Variants in ZNF469 observed in about 807,000 individuals in gnomAD.
ZNF469 encodes the protein zinc finger protein 469.
ZNF469 carries 1 observed loss-of-function variant against 1.0 expected under a neutral mutation model. That is an observed-to-expected ratio of 1.00 (90% CI 0.35 to 4.73). ZNF469 has a LOEUF of 4.73. ZNF469 is among the 30% of genes most tolerant of loss of function. The pLI is 0.16. For missense variants in ZNF469, 6,100 were observed against 5,356.3 expected (o/e 1.14, Z -4.33); for synonymous variants, 2,703 against 2,363.4 (o/e 1.14, Z -4.17).
chr16:88,380,442 G>T (rs1482908428), upstream of ZNF469, among the ~76,000 whole-genome samples: 1 of 80,656 alleles, frequency 1.2e-5, no homozygotes, highest in South Asian at 4.6e-4. Context: ...CACATACACA[G>T]TCACACACAG....
the ZNF469 span, among the ~76,000 whole-genome samples, chr16:88,104,122 G>C: frequency 6.6e-6 from 1 of 151,820 alleles, no homozygotes; most frequent in Non-Finnish European, 1.5e-5. Context: ...CTCTTTTCAT[G>C]GCTGAAAAAT....
intron 1 of ZNF469, among the ~76,000 whole-genome samples, chr16:88,389,343 C>T (rs1217431511): frequency 6.6e-6 from 1 of 152,234 alleles, no homozygotes; most frequent in Non-Finnish European, 1.5e-5. Context: ...GCGCTTCCTT[C>T]GTCTTTGCGG....
chr16:88,225,592 T>TG, the ZNF469 span, among the ~76,000 whole-genome samples: 45,932 of 151,888 alleles, frequency 0.3, 7,409 homozygotes, highest in Non-Finnish European at 0.34. Context: ...CCTGTGTCTG[T>TG]GGCCCCCAAA....
upstream of ZNF469, among the ~76,000 whole-genome samples, chr16:88,379,439 C>T (rs2092515848): frequency 6.6e-6 from 1 of 152,040 alleles, no homozygotes; most frequent in Non-Finnish European, 1.5e-5. Flanking sequence ...GAGGGGTGGA[C>T]GTGGCCCTCC....
At chr16:88,199,580 A>T in the ZNF469 span, among the ~76,000 whole-genome samples, 4 of 152,174 alleles carry the variant, frequency 2.6e-5, no homozygotes, top group Non-Finnish European at 5.9e-5. Flanking sequence ...TTTGGTGAAC[A>T]TCCCATCTCC....
the ZNF469 span, among the ~76,000 whole-genome samples, chr16:88,135,694 G>A: frequency 1.4e-5 from 2 of 147,960 alleles, no homozygotes; most frequent in African/African-American, 2.4e-5. Flanking sequence ...TGCTGGGACC[G>A]GTGATCCACA....
At chr16:88,268,998 G>A in the ZNF469 span, among the ~76,000 whole-genome samples, 7 of 152,202 alleles carry the variant, frequency 4.6e-5, no homozygotes, top group Admixed American at 3.9e-4. Context: ...GGGCTGCCGG[G>A]AGGAGAGATG....
the ZNF469 span, among the ~76,000 whole-genome samples, chr16:88,321,507 C>A: frequency 6.6e-6 from 1 of 152,142 alleles, no homozygotes; most frequent in Non-Finnish European, 1.5e-5. Context: ...CATGTCAGGC[C>A]TCACCTGATT....
In ZNF469 at chr16:88,428,423, T is replaced by C. The variant is rs1451943963; in HGVS notation, c.953T>C (p.Val318Ala). 3 of 1,548,146 alleles carry C rather than the reference T, an allele frequency of 1.9e-6. No homozygotes were observed. Among genetic ancestry groups the C allele is most frequent in the Admixed American group, 3.9e-5 (2 of 50,992 alleles). ...CAGGGAGCGTGGCCGGAGGAGGCCG[T>C]GGGCACGGGCCCTGCCTACCCGCTG... is the stretch of plus-strand genomic sequence containing the variant. Reference protein sequence around the residue: ...QPQGAWPEEAVGTGPAYPLPT... With the variant: ...QPQGAWPEEAAGTGPAYPLPT... Residue 318 changes from valine to alanine, a missense_variant, in exon 3 of 3, where the codon GTG becomes GCG. Val to Ala is a moderately conservative substitution (Grantham distance 64, BLOSUM62 0). Transcript: ENST00000565624.
chr16:88,133,596 CA>C, the ZNF469 span, among the ~76,000 whole-genome samples: 1 of 151,322 alleles, frequency 6.6e-6, no homozygotes, highest in South Asian at 2.1e-4. Context: ...AGCAATAAAT[CA>C]AATCATTCAA....
chr16:88,302,075 C>G, the ZNF469 span, among the ~76,000 whole-genome samples: 2 of 152,202 alleles, frequency 1.3e-5, no homozygotes, highest in Non-Finnish European at 2.9e-5. Flanking sequence ...CCAGGCAGCC[C>G]TGTGCAGAGC....
chr16:88,362,306 C>T, the ZNF469 span, among the ~76,000 whole-genome samples: 2 of 152,212 alleles, frequency 1.3e-5, no homozygotes, highest in South Asian at 2.1e-4. Context: ...TTGCTCCCAT[C>T]CTCATGCTGT....
the ZNF469 span, among the ~76,000 whole-genome samples, chr16:88,247,494 C>CAGTGAGTGAGGGAATG: frequency 1.3e-4 from 11 of 85,766 alleles, no homozygotes; most frequent in East Asian, 2.9e-4. Context: ...GTGAATGAAT[C>CAGTGAGTGAGGGAATG]AGTGAGTGAG....
At chr16:88,207,938 G>A in the ZNF469 span, among the ~76,000 whole-genome samples, 2 of 152,258 alleles carry the variant, frequency 1.3e-5, no homozygotes, top group East Asian at 3.9e-4. Flanking sequence ...ATGTGTCTTT[G>A]GCGGCCATGA....
At chr16:88,231,026 C>T in the ZNF469 span, among the ~76,000 whole-genome samples, 6 of 152,104 alleles carry the variant, frequency 3.9e-5, no homozygotes, top group East Asian at 1.9e-4. This position sits in a 1 kb window ranked among gnomAD's most constrained non-coding sequence, Gnocchi z 4.5. Flanking sequence ...ACATGTCACA[C>T]GGGAGAAAAC....
upstream of ZNF469, among the ~76,000 whole-genome samples, chr16:88,381,404 A>G (rs1013327870): frequency 1.3e-5 from 2 of 150,878 alleles, no homozygotes; most frequent in Non-Finnish European, 3.0e-5. Context: ...ACACGCACTC[A>G]CACACAGACA....
chr16:88,320,866 C>T, the ZNF469 span, among the ~76,000 whole-genome samples: 3 of 152,226 alleles, frequency 2.0e-5, no homozygotes, highest in Admixed American at 6.5e-5. Context: ...ACGCCCAACA[C>T]GAGTCCACAG....
chr16:88,349,813 C>CT, the ZNF469 span, among the ~76,000 whole-genome samples: 1 of 2,006 alleles, frequency 5.0e-4, no homozygotes, highest in Non-Finnish European at 1.0e-3. Context: ...ACACACATCA[C>CT]AAATGCACAC....
the ZNF469 span, among the ~76,000 whole-genome samples, chr16:88,301,068 AAAAG>A: frequency 2.0e-5 from 3 of 152,168 alleles, no homozygotes; most frequent in Non-Finnish European, 2.9e-5. Context: ...GTCTCAAAAA[AAAAG>A]AAAGAAAAGA....
Sources: gnomAD v4.1 joint callset for allele counts (sites outside exome capture counted in the v4.1 genomes callset) on GRCh38, gnomAD v4.1.1 for gene constraint, Gnocchi (gnomAD v3.1) non-coding constraint, MANE v1.5 for transcripts, NCBI Gene and HGNC (gene_info 2026-07-23, HGNC 2026-07-21) for gene names.